Variants in SYNPO2 observed in about 807,000 individuals in gnomAD.
The protein encoded by SYNPO2 is synaptopodin 2, also known as synaptopodin-2.
Under a neutral mutation model 85.0 loss-of-function variants are expected in SYNPO2, and 56 were observed. That is an observed-to-expected ratio of 0.66 (90% confidence interval 0.53 to 0.82). The LOEUF is 0.82. SYNPO2 is among the 40% of genes least tolerant of loss of function. The pLI is 0.00. For missense variants in SYNPO2, 1,575 were observed against 1,534.2 expected (o/e 1.03, Z -0.44); for synonymous variants, 602 against 591.1 (o/e 1.02, Z -0.27).
intron 4 of SYNPO2, among the ~76,000 whole-genome samples, chr4:119,050,753 T>C (rs1160721148): frequency 6.6e-6 from 1 of 152,192 alleles, no homozygotes; most frequent in Admixed American, 6.5e-5. Flanking sequence ...CAGCTAAAGA[T>C]TGGCGTGTGC....
At chr4:119,003,405 G>A (rs532537881) in intron 1 of SYNPO2, among the ~76,000 whole-genome samples, 1 of 152,148 alleles carries the variant, frequency 6.6e-6, no homozygotes, top group African/African-American at 2.4e-5. Context: ...ATTACAATTT[G>A]AGATGAGATT....
chr4:119,053,593 A>G (rs1488238771), intron 4 of SYNPO2, among the ~76,000 whole-genome samples: 1 of 152,060 alleles, frequency 6.6e-6, no homozygotes, highest in Non-Finnish European at 1.5e-5. Flanking sequence ...GCCCTGGCTT[A>G]CTCTTTCAAT....
At chr4:119,012,393 T>TTTTTTTTTTTTTTTTTTTTTTTG (rs1553946399) in intron 1 of SYNPO2, among the ~76,000 whole-genome samples, 1 of 130,822 alleles carries the variant, frequency 7.6e-6, no homozygotes, top group African/African-American at 2.8e-5. Context: ...TTTTTTTTTT[T>TTTTTTTTTTTTTTTTTTTTTTTG]ATTTTACTTT....
rs1185107829 is a variant in SYNPO2, at chr4:118,880,673, G to A, written c.12+29733G>A. 5.3e-5 allele frequency among the ~76,000 whole-genome samples: 8 copies of A among 151,322 alleles called. No homozygotes were observed. In the East Asian group the frequency reaches 5.8e-4, roughly 11 times the overall value. On this transcript the variant is annotated intron_variant, in intron 1 of 4. Coordinates refer to the SYNPO2 transcript ENST00000610556. ...TGAGGCAGGAAATTGCTTGAACCCC[G>A]GAGGTGGAGGTTACAGTGAGCTGAG... is the stretch of plus-strand genomic sequence containing the variant.
At position 119,030,326 on chromosome 4, in the gene SYNPO2, G is replaced by A. The variant is rs752596854; in HGVS notation, c.1551G>A (p.Thr517=). 1.9e-6 allele frequency: 3 copies of A among 1,613,902 alleles called. No individual in the cohort carries two copies. Among genetic ancestry groups the A allele is most frequent in the Admixed American group, 1.7e-5 (1 of 59,972 alleles). Residue 517 remains threonine (T), a synonymous_variant, in exon 4 of 5, where the codon ACG becomes ACA. Transcript: ENST00000307142. ...AAGAAGAGGACAAGGTAGGTGGAAC[G>A]CCAAGCAGAGAACAAGATGCTGCCC... ...AQKEEDKVGG[T]PSREQDAAQT...
chr4:118,876,733 C>T (rs1183688016), intron 1 of SYNPO2, among the ~76,000 whole-genome samples: 1 of 102,776 alleles, frequency 9.7e-6, no homozygotes. Flanking sequence ...TTCTTTCTTT[C>T]TTTCTGCCTT....
At chr4:118,904,873 T>G (rs972462906) in intron 1 of SYNPO2, among the ~76,000 whole-genome samples, 1 of 152,222 alleles carries the variant, frequency 6.6e-6, no homozygotes, top group Non-Finnish European at 1.5e-5. Context: ...CAGTTTCCAT[T>G]GGATGGTGCT....
At chr4:118,946,369 G>A (rs1054585802) in intron 1 of SYNPO2, among the ~76,000 whole-genome samples, 9 of 152,160 alleles carry the variant, frequency 5.9e-5, no homozygotes, top group Non-Finnish European at 1.2e-4. Context: ...CAAAATGAGG[G>A]CTCAAGATGG....
At position 119,007,283 on chromosome 4, in the gene SYNPO2, CAT is replaced by C. The variant is rs1183044902; in HGVS notation, c.106-16134_106-16133del. 2.8e-3 allele frequency among the ~76,000 whole-genome samples: 113 copies of C among 39,692 alleles called. 6 individuals carry two copies. The highest frequency in any genetic ancestry group is 0.029 in the Middle Eastern group (2 of 68). The allele number at this position is 39,692 out of a possible 152,430, so 26.0% of individuals were successfully genotyped here. On this transcript the variant is annotated intron_variant, in intron 1 of 4. Transcript: ENST00000307142. The stretch of plus-strand genomic sequence containing the variant: ...ATATATATATATATATATGTATATA[CAT>C]ATATATATATATGTATATACACGCA...
chr4:119,055,857 T>C (rs554670110), intron 4 of SYNPO2, among the ~76,000 whole-genome samples: 9 of 152,172 alleles, frequency 5.9e-5, no homozygotes, highest in African/African-American at 2.2e-4. Context: ...ATTCTTCAGA[T>C]AGAAACCAGG....
Position 118,954,995 on chromosome 4 carries a change from A to AT in SYNPO2, c.105+65877dup, listed in dbSNP as rs143188478. Among the ~76,000 whole-genome samples, 809 of 130,996 alleles carry AT rather than the reference A, an allele frequency of 6.2e-3. 9 individuals are homozygous for AT. The highest frequency in any genetic ancestry group is 0.017 in the African/African-American group (596 of 34,158). 85.9% of individuals were successfully genotyped at this position (130,996 alleles called of 152,430 possible). A position where few individuals can be genotyped will look rare whatever the true frequency, so the allele number is the denominator to read the frequency against. On this transcript the variant is annotated intron_variant, in intron 1 of 4. Coordinates refer to ENST00000307142, the MANE Select transcript of SYNPO2 (RefSeq NM_133477.3). ...ACAGTCTGACTCCAGATTCTGTGCA[A>AT]TTTTTTTTTTTTTTTTTTTTTTTAC...
At chr4:118,885,041 G>C (rs1045991583), upstream of SYNPO2, among the ~76,000 whole-genome samples, 39 of 152,294 alleles carry the variant, frequency 2.6e-4, no homozygotes, top group African/African-American at 9.1e-4. Flanking sequence ...AAATTATTAG[G>C]TGATTTATGT....
intron 1 of SYNPO2, among the ~76,000 whole-genome samples, chr4:119,022,728 T>TATTG (rs1560989728): frequency 2.3e-5 from 1 of 44,134 alleles, no homozygotes; most frequent in African/African-American, 6.4e-5. Flanking sequence ...TATTTTAATT[T>TATTG]TATTTTATTT....
At chr4:118,883,375 T>G (rs973019663) in intron 1 of SYNPO2, among the ~76,000 whole-genome samples, 11 of 151,804 alleles carry the variant, frequency 7.2e-5, no homozygotes, top group African/African-American at 2.4e-4. Context: ...ATTAGGAAAA[T>G]AAAAAAGAGG....
At chr4:118,928,867 T>C (rs1578559049) in intron 1 of SYNPO2, among the ~76,000 whole-genome samples, 1 of 152,216 alleles carries the variant, frequency 6.6e-6, no homozygotes, top group Non-Finnish European at 1.5e-5. Flanking sequence ...AAATTGTTTC[T>C]TGTTCATGAA....
intron 1 of SYNPO2, among the ~76,000 whole-genome samples, chr4:119,000,084 T>G (rs1404849118): frequency 6.6e-6 from 1 of 152,180 alleles, no homozygotes; most frequent in Non-Finnish European, 1.5e-5. Context: ...CAGACTGGAG[T>G]GCAGTGGCAC....
intron 2 of SYNPO2, among the ~76,000 whole-genome samples, 158 bp downstream of exon 2, chr4:119,023,739 T>C (rs1032107223): frequency 2.0e-5 from 3 of 152,190 alleles, no homozygotes; most frequent in African/African-American, 7.2e-5. Context: ...GTTTGAAAAA[T>C]AGTCAATTCT....
chr4:118,897,970 T>C lies in SYNPO2; in HGVS notation c.105+8829T>C, dbSNP rs550276505. ...ATTACTTAATGTCAAATCATTTTAT[T>C]TGAAACTTTTATTTCCAGAACGAAT... On this transcript the variant is annotated intron_variant, in intron 1 of 4. Coordinates refer to ENST00000307142, the MANE Select transcript of SYNPO2 (RefSeq NM_133477.3). 1.7e-3 allele frequency among the ~76,000 whole-genome samples: 257 copies of C among 152,318 alleles called. 1 individual carries two copies. The highest frequency in any genetic ancestry group is 5.9e-3 in the African/African-American group (245 of 41,568).
chr4:118,900,735 C>A lies in SYNPO2; in HGVS notation c.105+11594C>A, dbSNP rs369935659. Among the ~76,000 whole-genome samples, 899 of 91,416 alleles carry A rather than the reference C, an allele frequency of 9.8e-3. 4 individuals are homozygous for A. The highest frequency in any genetic ancestry group is 0.013 in the South Asian group (34 of 2,632). 60.0% of individuals were successfully genotyped at this position (91,416 alleles called of 152,430 possible). On this transcript the variant is annotated intron_variant, in intron 1 of 4. Transcript: ENST00000307142. Reference sequence around the variant, plus strand: ...TATATATATATATATATATATATGTCTGTCTGTCTATCTATCTATCTATCT... The same window carrying A: ...TATATATATATATATATATATATGTATGTCTGTCTATCTATCTATCTATCT...
Sources: allele counts gnomAD v4.1 joint callset (sites outside exome capture counted in the v4.1 genomes callset), GRCh38; gene constraint gnomAD v4.1.1; transcripts MANE v1.5; gene names NCBI Gene and HGNC (gene_info 2026-07-23, HGNC 2026-07-21).